Variants in OPCML observed in about 807,000 individuals in gnomAD.
OPCML encodes opioid-binding protein/cell adhesion molecule.
OPCML carries 13 observed loss-of-function variants against 37.8 expected under a neutral mutation model. That is an observed-to-expected ratio of 0.34 (90% CI 0.22 to 0.55). The LOEUF (loss-of-function observed/expected upper bound fraction) is 0.55, where lower values mean the gene tolerates loss of function less well. Among genes scored for constraint, OPCML ranks in the 20% least tolerant of loss-of-function variants. OPCML has a pLI of 0.91. For missense variants in OPCML, 341 were observed against 435.6 expected (o/e 0.78, Z 1.93); for synonymous variants, 176 against 168.8 (o/e 1.04, Z -0.33).
chr11:132,983,128 C>T (rs1042946287), intron 1 of OPCML, among the ~76,000 whole-genome samples: 21 of 152,322 alleles, frequency 1.4e-4, no homozygotes, highest in African/African-American at 5.1e-4. Flanking sequence ...CAGCCCCCCT[C>T]CAGCTTGCAA....
chr11:132,723,460 C>A (rs148352958), intron 2 of OPCML, among the ~76,000 whole-genome samples: 1,621 of 152,158 alleles, frequency 0.011, 23 homozygotes, highest in Non-Finnish European at 0.015. Context: ...TATATACCTG[C>A]CTCTGAGGGT....
chr11:132,646,241 G>A (rs879941737), intron 3 of OPCML, among the ~76,000 whole-genome samples: 3 of 152,078 alleles, frequency 2.0e-5, no homozygotes, highest in Non-Finnish European at 4.4e-5. Flanking sequence ...ACTTACTCAT[G>A]TAACCAAATA....
chr11:133,143,471 T>G (rs369808926), intron 1 of OPCML, among the ~76,000 whole-genome samples: 4 of 152,178 alleles, frequency 2.6e-5, no homozygotes, highest in African/African-American at 9.6e-5. Context: ...GGTCCCAGAA[T>G]GCATGCATGG....
At chr11:132,937,609 T>G (rs934793321) in intron 2 of OPCML, among the ~76,000 whole-genome samples, 14 of 142,602 alleles carry the variant, frequency 9.8e-5, no homozygotes, top group East Asian at 8.1e-4. Flanking sequence ...TGTGTGTGTG[T>G]GTGTGTGTGT....
At chr11:132,448,005 C>T (rs1248266459) in intron 4 of OPCML, among the ~76,000 whole-genome samples, 1 of 152,228 alleles carries the variant, frequency 6.6e-6, no homozygotes, top group Admixed American at 6.5e-5. Context: ...GGAAAGCCAG[C>T]AAGGGCTCAA....
In OPCML at chr11:133,166,432, A is replaced by G. The variant is rs191331735; in HGVS notation, c.62-223422T>C. Among the ~76,000 whole-genome samples the G allele has an allele frequency of 2.2e-4, 33 of 152,372 alleles. No homozygotes were observed. The East Asian group carries it at 6.2e-3, about 28-fold the overall frequency. ...TCAAGGCCATACAGCTCCTGATGGCAGAGCTGGGAGTCAGGCCCAGGATGT... is the reference window on the plus strand; with the variant it reads ...TCAAGGCCATACAGCTCCTGATGGCGGAGCTGGGAGTCAGGCCCAGGATGT... On this transcript the variant is annotated intron_variant, in intron 1 of 7. Transcript: ENST00000524381.
Position 133,426,384 on chromosome 11 carries a change from G to T in OPCML, c.61+105880C>A, listed in dbSNP as rs376683430. Among the ~76,000 whole-genome samples the T allele has an allele frequency of 4.6e-5, 7 of 152,032 alleles. No homozygotes were observed. In the East Asian group the frequency reaches 9.7e-4, roughly 21 times the overall value. Reference sequence around the variant, plus strand: ...GACACTGCAGGAAAAAAGGAAAAAAGAAACACACACACACACAACAACTCC... The same window carrying T: ...GACACTGCAGGAAAAAAGGAAAAAATAAACACACACACACACAACAACTCC... On this transcript the variant is annotated intron_variant, in intron 1 of 7. Transcript: ENST00000524381.
chr11:132,484,342 T>G (rs1054604893), intron 4 of OPCML, among the ~76,000 whole-genome samples: 35 of 152,252 alleles, frequency 2.3e-4, no homozygotes, highest in East Asian at 1.7e-3. Flanking sequence ...GGCCATCAGA[T>G]AAATGCAAAT....
intron 7 of OPCML, among the ~76,000 whole-genome samples, chr11:132,422,860 T>A (rs537018892): frequency 1.9e-4 from 29 of 152,304 alleles, no homozygotes; most frequent in African/African-American, 6.5e-4. Context: ...GACCACAGTA[T>A]CATGGTGTGA....
intron 3 of OPCML, among the ~76,000 whole-genome samples, chr11:132,653,188 C>T (rs553385036): frequency 6.6e-6 from 1 of 152,150 alleles, no homozygotes; most frequent in Admixed American, 6.5e-5. Context: ...TCGTATCTCC[C>T]CAATCACTAG....
chr11:133,409,654 G>A (rs1945602437), intron 1 of OPCML, among the ~76,000 whole-genome samples: 1 of 152,142 alleles, frequency 6.6e-6, no homozygotes, highest in Non-Finnish European at 1.5e-5. Flanking sequence ...TTGGACCAAA[G>A]TCTCATAGAT....
intron 1 of OPCML, among the ~76,000 whole-genome samples, chr11:132,997,708 C>G (rs766236633): frequency 6.6e-6 from 1 of 152,230 alleles, no homozygotes; most frequent in Non-Finnish European, 1.5e-5. Context: ...AGAGGAGCTG[C>G]ATCACATTGC....
At chr11:133,003,802 C>T in intron 1 of OPCML, 3 of 985,330 alleles carry the variant, frequency 3.0e-6, no homozygotes, top group Non-Finnish European at 3.6e-6. Flanking sequence ...TGTGCTGGGC[C>T]CAACACACAA....
At chr11:133,129,210 G>A (rs1949566659) in intron 1 of OPCML, among the ~76,000 whole-genome samples, 2 of 151,302 alleles carry the variant, frequency 1.3e-5, no homozygotes, top group South Asian at 4.2e-4. Flanking sequence ...CACAGAGAGA[G>A]AGCTTCAGAG....
chr11:132,422,935 T>C (rs1290451967), intron 7 of OPCML, among the ~76,000 whole-genome samples: 1 of 152,174 alleles, frequency 6.6e-6, no homozygotes, highest in Non-Finnish European at 1.5e-5. Context: ...CTGAGTGACG[T>C]TCCCTCTCCG....
At chr11:132,481,292 T>C (rs1438210945) in intron 4 of OPCML, among the ~76,000 whole-genome samples, 3 of 152,000 alleles carry the variant, frequency 2.0e-5, no homozygotes, top group Non-Finnish European at 4.4e-5. Flanking sequence ...AAACAGACTT[T>C]AAACCAACAA....
At chr11:132,955,325 C>G (rs1386397569) in intron 1 of OPCML, among the ~76,000 whole-genome samples, 1 of 152,082 alleles carries the variant, frequency 6.6e-6, no homozygotes, top group Non-Finnish European at 1.5e-5. Context: ...TAAACATATA[C>G]AGGATGAATT....
intron 7 of OPCML, among the ~76,000 whole-genome samples, chr11:132,430,432 C>A (rs61498343): frequency 1.9e-4 from 29 of 152,242 alleles, no homozygotes; most frequent in Non-Finnish European, 3.4e-4. Context: ...AAGTCCGGCT[C>A]AGAGAGCCAG....
At chr11:133,170,645 A>C (rs1950276642) in intron 1 of OPCML, among the ~76,000 whole-genome samples, 1 of 152,178 alleles carries the variant, frequency 6.6e-6, no homozygotes, top group African/African-American at 2.4e-5. Flanking sequence ...TTTTAGTTTA[A>C]ATGCATGAGA....
Sources: allele counts gnomAD v4.1 joint callset (sites outside exome capture counted in the v4.1 genomes callset), GRCh38; gene constraint gnomAD v4.1.1; transcripts MANE v1.5; gene names NCBI Gene and HGNC (gene_info 2026-07-23, HGNC 2026-07-21).